The following SEMA5B variants were observed in gnomAD, a reference collection of about 807,000 sequenced individuals.
The protein encoded by SEMA5B is semaphorin 5B, also known as semaphorin-5B.
SEMA5B carries 66 observed loss-of-function variants against 135.0 expected under a neutral mutation model. That is an observed-to-expected ratio of 0.49 (90% confidence interval 0.40 to 0.60). SEMA5B has a LOEUF of 0.60. Among genes scored for constraint, SEMA5B ranks in the 20% least tolerant of loss-of-function variants. SEMA5B has a pLI of 0.00. For synonymous variants in SEMA5B, 690 were observed against 639.5 expected (o/e 1.08, Z -1.19); for missense variants, 1,501 against 1,566.3 (o/e 0.96, Z 0.70).
chr3:122,991,344 C>G (rs1198269046), intron 1 of SEMA5B, among the ~76,000 whole-genome samples: 1 of 152,132 alleles, frequency 6.6e-6, no homozygotes, highest in African/African-American at 2.4e-5. Flanking sequence ...CACATGAGGG[C>G]CCAAGGAGAA....
rs1309897860 is a variant in SEMA5B at position 122,909,234 on chromosome 3, A to G, written c.*909T>C. 1.3e-5 allele frequency: 2 copies of G among 152,536 alleles called. No homozygotes were observed. Among genetic ancestry groups the G allele is most frequent in the African/African-American group, 2.4e-5 (1 of 41,446 alleles). 9.4% of individuals were successfully genotyped at this position (152,536 alleles called of 1,614,324 possible). A position where few individuals can be genotyped will look rare whatever the true frequency, so the allele number is the denominator to read the frequency against. On this transcript the variant is annotated 3_prime_UTR_variant, in exon 23 of 23. Coordinates refer to ENST00000357599, the MANE Select transcript of SEMA5B (RefSeq NM_001031702.4). ...CTTTAATTAATAATGCCACAGCCCA[A>G]TGTCTTTTTTGTTGCTGTAGCAAAT... is the stretch of plus-strand genomic sequence containing the variant.
At chr3:122,963,083 T>C (rs17171) in intron 1 of SEMA5B, among the ~76,000 whole-genome samples, 91,341 of 152,026 alleles carry the variant, frequency 0.6, 28,961 homozygotes, top group African/African-American at 0.81. Flanking sequence ...CCCTCCTACA[T>C]ACTCAACGAG....
intron 1 of SEMA5B, among the ~76,000 whole-genome samples, chr3:123,004,817 AG>A (rs1942265657): frequency 6.6e-6 from 1 of 152,194 alleles, no homozygotes; most frequent in Non-Finnish European, 1.5e-5. Flanking sequence ...GCAAACATTC[AG>A]GCTCCCAGCC....
At chr3:122,952,128 C>T (rs1404198400) in intron 2 of SEMA5B, among the ~76,000 whole-genome samples, 1 of 152,164 alleles carries the variant, frequency 6.6e-6, no homozygotes, top group African/African-American at 2.4e-5. Context: ...TTGCTCCTCC[C>T]CAGAAGGGCC....
chr3:122,984,669 A>G (rs1941640508), intron 1 of SEMA5B, among the ~76,000 whole-genome samples: 1 of 152,192 alleles, frequency 6.6e-6, no homozygotes, highest in Non-Finnish European at 1.5e-5. Flanking sequence ...CCCAATCCCC[A>G]CCAGTACACA....
At chr3:122,970,589 G>A (rs1300736506) in intron 1 of SEMA5B, among the ~76,000 whole-genome samples, 1 of 152,188 alleles carries the variant, frequency 6.6e-6, no homozygotes, top group Non-Finnish European at 1.5e-5. Flanking sequence ...CAGCTCAAGA[G>A]GTAATCATGT....
At chr3:122,944,897 C>T (rs1039493479) in intron 3 of SEMA5B, among the ~76,000 whole-genome samples, 12 of 152,174 alleles carry the variant, frequency 7.9e-5, no homozygotes, top group African/African-American at 2.9e-4. Context: ...TTTCATGCCG[C>T]TGTTGGTAAA....
intron 1 of SEMA5B, among the ~76,000 whole-genome samples, chr3:122,966,563 ATTATTT>A (rs1176044086): frequency 4.3e-5 from 5 of 115,074 alleles, no homozygotes; most frequent in Admixed American, 1.6e-4. Flanking sequence ...TATTATTATT[ATTATTT>A]TTTGAGACGG....
In SEMA5B at chr3:122,922,137, G is replaced by A. The variant is rs150453624; in HGVS notation, c.1481-15C>T. ...GGTGCCCGACTCTGGAGGAGAGGGG[G>A]AGCCAGACCAAGGTGGCCTTGAAGG... On this transcript the variant is annotated splice_polypyrimidine_tract_variant and intron_variant, in intron 11 of 22. Transcript: ENST00000357599. 2.0e-6 allele frequency: 3 copies of A among 1,528,736 alleles called. No homozygotes were observed. Among genetic ancestry groups the A allele is most frequent in the Non-Finnish European group, 2.7e-6 (3 of 1,131,888 alleles). The allele number at this position is 1,528,736 out of a possible 1,614,324, so 94.7% of individuals were successfully genotyped here.
At chr3:122,974,350 C>T (rs1941236580) in intron 1 of SEMA5B, among the ~76,000 whole-genome samples, 1 of 152,240 alleles carries the variant, frequency 6.6e-6, no homozygotes, top group African/African-American at 2.4e-5. Flanking sequence ...TGGGACTCCA[C>T]CACCACTACT....
chr3:123,008,875 CCTGCAGCTGGAGCTGGGGGG>C (rs1010391982), intron 1 of SEMA5B, among the ~76,000 whole-genome samples: 2 of 152,036 alleles, frequency 1.3e-5, no homozygotes, highest in Admixed American at 6.6e-5. Flanking sequence ...GGCACAGAGG[CCTGCAGCTGGAGCTGGGGGG>C]CTGCAGCTGC....
chr3:122,957,822 T>A (rs1478532158), intron 2 of SEMA5B, among the ~76,000 whole-genome samples: 1 of 152,168 alleles, frequency 6.6e-6, no homozygotes, highest in African/African-American at 2.4e-5. Flanking sequence ...GCTGCTACAC[T>A]CACCATCCTC....
At chr3:122,913,774 C>A (rs1216941497) in intron 15 of SEMA5B, 84 bp downstream of exon 15, 4 of 1,569,458 alleles carry the variant, frequency 2.5e-6, no homozygotes, top group Non-Finnish European at 3.5e-6. Flanking sequence ...GGACGAGAGT[C>A]CCCGGGATCA....
At chr3:122,943,673 C>G in intron 3 of SEMA5B, 138 bp from the exon 4 acceptor site, 1 of 624,222 alleles carries the variant, frequency 1.6e-6, no homozygotes, top group Admixed American at 2.8e-5. Context: ...TGCCACCTGC[C>G]CACCTCTGTG....
chr3:122,966,563 ATT>A (rs1491035193), intron 1 of SEMA5B, among the ~76,000 whole-genome samples: 1 of 115,074 alleles, frequency 8.7e-6, no homozygotes, highest in African/African-American at 4.0e-5. Context: ...TATTATTATT[ATT>A]ATTTTTTGAG....
intron 12 of SEMA5B, among the ~76,000 whole-genome samples, chr3:122,919,760 T>G (rs1277774914): frequency 6.6e-6 from 1 of 152,186 alleles, no homozygotes; most frequent in African/African-American, 2.4e-5. Flanking sequence ...CTTTTTGGAT[T>G]CACCTATAGT....
At chr3:122,966,888 T>C (rs1940868180) in intron 1 of SEMA5B, among the ~76,000 whole-genome samples, 1 of 129,378 alleles carries the variant, frequency 7.7e-6, no homozygotes, top group African/African-American at 3.3e-5. Context: ...TTATTATTAT[T>C]ATTATTATTA....
chr3:123,028,432 G>T (rs994283612), upstream of SEMA5B: 1 of 152,290 alleles, frequency 6.6e-6, no homozygotes, highest in South Asian at 2.1e-4. Flanking sequence ...GTAAACTGGG[G>T]TTAGTAATAC....
At chr3:123,000,139 C>G (rs1411065431) in intron 1 of SEMA5B, among the ~76,000 whole-genome samples, 1 of 152,160 alleles carries the variant, frequency 6.6e-6, no homozygotes, top group East Asian at 1.9e-4. Context: ...ACCCAGGAGG[C>G]GGAGGTTGCA....
Sources: allele counts gnomAD v4.1 joint callset (sites outside exome capture counted in the v4.1 genomes callset), GRCh38; gene constraint gnomAD v4.1.1; transcripts MANE v1.5; gene names NCBI Gene and HGNC (gene_info 2026-07-23, HGNC 2026-07-21).